Variants in HSF5 observed in about 807,000 individuals in gnomAD.
HSF5 encodes the protein heat shock transcription factor 5, also known as heat shock factor protein 5.
In HSF5, 5 loss-of-function variants were observed where a neutral mutation model predicts 50.8. The ratio of observed to expected loss-of-function variants is 0.10; its 90% confidence interval spans 0.05 to 0.21. HSF5 has a LOEUF of 0.21. Among genes scored for constraint, HSF5 ranks in the 10% least tolerant of loss-of-function variants. The pLI, the probability that HSF5 is intolerant of heterozygous loss-of-function variation, is 1.00. For missense variants in HSF5, 564 were observed against 762.6 expected (o/e 0.74, Z 3.07); for synonymous variants, 307 against 307.4 (o/e 1.00, Z 0.02).
At position 58,487,849 on chromosome 17, in the gene HSF5, C is replaced by T; in HGVS notation, c.426G>A (p.Leu142=). ...GGTTGGGCGGGCGGCAGGGCACCTC[C>T]AGGCCGGCCGCCAGCTTGGCCTTGT... The part of the protein sequence containing the change: ...SANKAKLAAG[L]EVPCRPPNRF... Residue 142 remains leucine, a synonymous_variant, in exon 1 of 6, where the codon CTG becomes CTA. Coordinates refer to ENST00000323777, the MANE Select transcript of HSF5 (RefSeq NM_001080439.3). 6.3e-7 allele frequency: 1 copy of T among 1,593,788 alleles called. No homozygotes were observed. Among genetic ancestry groups the T allele is most frequent in the Non-Finnish European group, 8.5e-7 (1 of 1,175,594 alleles).
At chr17:58,436,749 C>T (rs1411072002) in intron 5 of HSF5, among the ~76,000 whole-genome samples, 1 of 151,224 alleles carries the variant, frequency 6.6e-6, no homozygotes, top group African/African-American at 2.4e-5. Context: ...TTAAAAACAT[C>T]AAAAAATAGA....
At chr17:58,454,864 A>C (rs1053600309) in intron 5 of HSF5, among the ~76,000 whole-genome samples, 2 of 152,254 alleles carry the variant, frequency 1.3e-5, no homozygotes, top group Non-Finnish European at 1.5e-5. Context: ...TCGCATGTGC[A>C]TGGATTGGAA....
chr17:58,427,369 A>G (rs1974309449), intron 5 of HSF5, among the ~76,000 whole-genome samples: 1 of 152,224 alleles, frequency 6.6e-6, no homozygotes, highest in Non-Finnish European at 1.5e-5. Flanking sequence ...AAATTTTTAT[A>G]ATTTAGTTAC....
At chr17:58,459,628 C>T (rs1974762665) in intron 4 of HSF5, among the ~76,000 whole-genome samples, 1 of 140,356 alleles carries the variant, frequency 7.1e-6, no homozygotes, top group Non-Finnish European at 1.5e-5. Flanking sequence ...GCCTGGGCAA[C>T]AGAGTGAGAC....
intron 2 of HSF5, among the ~76,000 whole-genome samples, chr17:58,474,676 T>C (rs1419181869): frequency 1.3e-5 from 2 of 152,360 alleles, no homozygotes; most frequent in African/African-American, 4.8e-5. Context: ...GTAGTGGTTT[T>C]AGTGAATAAT....
At chr17:58,487,603 G>A in intron 1 of HSF5, 122 bp downstream of exon 1, 1 of 1,286,512 alleles carries the variant, frequency 7.8e-7, no homozygotes, top group Non-Finnish European at 9.8e-7. Context: ...CGGCCAATGG[G>A]TCCCCGGCGC....
rs895788214 is a variant in HSF5, at chr17:58,421,550, C to T, written c.*810G>A. The T allele has an allele frequency of 9.2e-5, 14 of 151,992 alleles. No homozygotes were observed. Among genetic ancestry groups the T allele is most frequent in the African/African-American group, 3.1e-4 (13 of 41,380 alleles). 9.4% of individuals were successfully genotyped at this position (151,992 alleles called of 1,614,324 possible). On this transcript the variant is annotated 3_prime_UTR_variant, in exon 6 of 6. Transcript: ENST00000323777. ...ATAATAAAAATATAAAACTTTAAAA[C>T]CTTTAAATCTATCAGCATTTATAAA...
intron 5 of HSF5, among the ~76,000 whole-genome samples, chr17:58,423,001 T>C (rs1974246796): frequency 6.6e-6 from 1 of 152,100 alleles, no homozygotes; most frequent in Admixed American, 6.5e-5. Flanking sequence ...TGGCCTTCAA[T>C]TGCCTTTTAT....
At chr17:58,482,368 C>A (rs142016372) in intron 1 of HSF5, among the ~76,000 whole-genome samples, 1 of 151,954 alleles carries the variant, frequency 6.6e-6, no homozygotes, top group African/African-American at 2.4e-5. Flanking sequence ...GAGGCCAAGG[C>A]GGGAGGATTG....
At chr17:58,432,006 A>G (rs1463725800) in intron 5 of HSF5, among the ~76,000 whole-genome samples, 1 of 152,166 alleles carries the variant, frequency 6.6e-6, no homozygotes, top group Admixed American at 6.5e-5. Flanking sequence ...TTCTGGAGAG[A>G]AATGGTGGTG....
chr17:58,435,092 TA>T (rs1299178757), intron 5 of HSF5, among the ~76,000 whole-genome samples: 2 of 152,092 alleles, frequency 1.3e-5, no homozygotes, highest in African/African-American at 4.8e-5. Flanking sequence ...ATTTTCTCAG[TA>T]AGATATAAAA....
intron 5 of HSF5, among the ~76,000 whole-genome samples, chr17:58,435,953 C>G (rs1156999734): frequency 6.6e-6 from 1 of 150,722 alleles, no homozygotes; most frequent in Non-Finnish European, 1.5e-5. Context: ...AATTCTATTG[C>G]TACTATGTAT....
chr17:58,480,040 T>C lies in HSF5; in HGVS notation c.778A>G (p.Arg260Gly), dbSNP rs1975075895. 2 of 1,614,022 alleles carry C rather than the reference T, an allele frequency of 1.2e-6. No individual in the cohort carries two copies. The highest frequency in any genetic ancestry group is 1.3e-5 in the African/African-American group (1 of 74,894). The change falls in exon 2 of 6, where the codon AGG becomes GGG. Residue 260 changes from arginine (R) to glycine (G), a missense_variant. Physicochemically the swap from Arg to Gly is moderately radical, Grantham distance 125. Transcript: ENST00000323777. ...DKGVPFPVLQ[R>G]FPTEVTYTLQ... The stretch of plus-strand genomic sequence containing the variant: ...GTATAGGTAACCTCAGTTGGAAACC[T>C]CTGGAGTACAGGAAACGGAACCCCT...
intron 5 of HSF5, among the ~76,000 whole-genome samples, chr17:58,452,716 C>T (rs971752598): frequency 2.6e-5 from 4 of 152,204 alleles, no homozygotes; most frequent in South Asian, 2.1e-4. Flanking sequence ...GCCCAGCGGC[C>T]GCACCATCTG....
intron 5 of HSF5, among the ~76,000 whole-genome samples, chr17:58,437,892 G>A (rs1182225677): frequency 6.6e-6 from 1 of 152,040 alleles, no homozygotes; most frequent in African/African-American, 2.4e-5. Flanking sequence ...GAGTACCTTT[G>A]GGAATATACA....
chr17:58,422,974 G>A (rs1974246516), intron 5 of HSF5, among the ~76,000 whole-genome samples: 1 of 152,170 alleles, frequency 6.6e-6, no homozygotes, highest in African/African-American at 2.4e-5. Flanking sequence ...GGGATGACAG[G>A]CGTGAGCCAC....
In HSF5 at chr17:58,482,997, G is replaced by A. The variant is rs192216050; in HGVS notation, c.551-2730C>T. ...TTTACGCTGCTTGACTAGCAATTCC[G>A]CAGGTACATACACCTTGAACCCACC... On this transcript the variant is annotated intron_variant, in intron 1 of 5. Coordinates refer to ENST00000323777, the MANE Select transcript of HSF5 (RefSeq NM_001080439.3). 4.0e-5 allele frequency among the ~76,000 whole-genome samples: 6 copies of A among 149,506 alleles called. No individual in the cohort carries two copies. The East Asian group carries it at 5.9e-4, about 15-fold the overall frequency.
chr17:58,465,801 T>A (rs1049390273), intron 3 of HSF5, among the ~76,000 whole-genome samples: 5 of 152,126 alleles, frequency 3.3e-5, no homozygotes, highest in African/African-American at 1.2e-4. Context: ...TTTAAAAGTA[T>A]CCTTAAAATA....
At chr17:58,450,549 T>C (rs1974625612) in intron 5 of HSF5, among the ~76,000 whole-genome samples, 2 of 147,506 alleles carry the variant, frequency 1.4e-5, no homozygotes, top group Non-Finnish European at 3.0e-5. Flanking sequence ...AGGTCGGGAG[T>C]TCGAGACCAG....
Sources: gnomAD v4.1 joint callset for allele counts (sites outside exome capture counted in the v4.1 genomes callset) on GRCh38, gnomAD v4.1.1 for gene constraint, MANE v1.5 for transcripts, NCBI Gene and HGNC (gene_info 2026-07-23, HGNC 2026-07-21) for gene names.